Variants in AKT3 observed in about 807,000 individuals in gnomAD.
AKT3 encodes AKT serine/threonine kinase 3, also known as RAC-gamma serine/threonine-protein kinase.
A neutral mutation model predicts 65.3 loss-of-function variants in AKT3; 15 were observed. The ratio of observed to expected loss-of-function variants is 0.23; its 90% CI spans 0.15 to 0.35. The LOEUF is 0.35. Among genes scored for constraint, AKT3 ranks in the 10% least tolerant of loss-of-function variants. The probability of loss-of-function intolerance (pLI) is 1.00; values close to 1 mark genes in which losing one functional copy is unlikely to be tolerated. For synonymous variants in AKT3, 206 were observed against 183.8 expected (o/e 1.12, Z -0.98); for missense variants, 243 against 576.5 (o/e 0.42, Z 5.92).
chr1:243,845,353 C>A (rs75147373), intron 1 of AKT3, among the ~76,000 whole-genome samples: 2 of 24,870 alleles, frequency 8.0e-5, no homozygotes, highest in Non-Finnish European at 1.8e-4. Flanking sequence ...TTTGTAATCC[C>A]AGCACTTTGG....
At chr1:243,637,399 T>A (rs185661126) in intron 6 of AKT3, among the ~76,000 whole-genome samples, 2 of 152,102 alleles carry the variant, frequency 1.3e-5, no homozygotes, top group African/African-American at 4.8e-5. Flanking sequence ...CTTAAGAGAA[T>A]AGCTTTAGTA....
chr1:243,828,228 T>A (rs1232192705), intron 2 of AKT3, among the ~76,000 whole-genome samples: 1 of 152,188 alleles, frequency 6.6e-6, no homozygotes, highest in Non-Finnish European at 1.5e-5. Flanking sequence ...ATTTAATATG[T>A]CCCATGCAGT....
At chr1:243,734,616 G>A (rs1687743785) in intron 2 of AKT3, among the ~76,000 whole-genome samples, 1 of 152,180 alleles carries the variant, frequency 6.6e-6, no homozygotes, top group Non-Finnish European at 1.5e-5. Flanking sequence ...AGGACTAGAA[G>A]TGACTCTGGG....
intron 8 of AKT3, among the ~76,000 whole-genome samples, chr1:243,583,216 A>G (rs932329757): frequency 1.4e-5 from 2 of 145,856 alleles, no homozygotes; most frequent in African/African-American, 2.5e-5. Flanking sequence ...ACACACACAT[A>G]TATCTTCCAT....
rs532079644 is a variant in AKT3 at position 243,836,354 on chromosome 1, AG to A, written c.46+6770del. Among the ~76,000 whole-genome samples the A allele has an allele frequency of 2.2e-4, 33 of 152,212 alleles. 1 individual carries two copies. The South Asian group carries it at 6.6e-3, about 31-fold the overall frequency. ...CATCAAGAAGATATAACAACAAAAA[AG>A]CCTCTAATAATAGAGCTTCAAAATA... On this transcript the variant is annotated intron_variant, in intron 2 of 13. Coordinates refer to ENST00000673466, the MANE Select transcript of AKT3 (RefSeq NM_005465.7).
At chr1:243,514,970 C>T (rs1445975186) in intron 12 of AKT3, among the ~76,000 whole-genome samples, 1 of 152,172 alleles carries the variant, frequency 6.6e-6, no homozygotes, top group African/African-American at 2.4e-5. Context: ...TCCTCCCATC[C>T]CCTGCAGGCC....
At chr1:243,665,652 C>T (rs1682715567) in intron 3 of AKT3, among the ~76,000 whole-genome samples, 1 of 152,088 alleles carries the variant, frequency 6.6e-6, no homozygotes, top group African/African-American at 2.4e-5. Flanking sequence ...CGCTAGTCTT[C>T]AACAGTTAAG....
chr1:243,611,278 C>T (rs1377106121), intron 8 of AKT3, among the ~76,000 whole-genome samples: 2 of 152,164 alleles, frequency 1.3e-5, no homozygotes, highest in Non-Finnish European at 2.9e-5. Flanking sequence ...ATAAGGTTAA[C>T]ATGTTCTTCA....
Position 243,620,436 on chromosome 1 carries a change from A to G in AKT3, c.562-5275T>C, listed in dbSNP as rs557245588. ...CATTTCCCTGATGAGTAGTGATATG[A>G]CACACTTTTACAAATTAAACAATGA... On this transcript the variant is annotated intron_variant, in intron 6 of 13. Transcript: ENST00000673466. Among the ~76,000 whole-genome samples, 162 of 41,014 alleles carry G rather than the reference A, an allele frequency of 3.9e-3. 58 individuals are homozygous for G. Among genetic ancestry groups the G allele is most frequent in the Non-Finnish European group, 0.019 (134 of 7,114 alleles). The allele number at this position is 41,014 out of a possible 152,430, so 26.9% of individuals were successfully genotyped here. A position where few individuals can be genotyped will look rare whatever the true frequency, so the allele number is the denominator to read the frequency against.
At chr1:243,782,709 C>T (rs1690990603) in intron 2 of AKT3, among the ~76,000 whole-genome samples, 2 of 152,106 alleles carry the variant, frequency 1.3e-5, no homozygotes, top group South Asian at 4.1e-4. Context: ...GGAACTGGGA[C>T]GATTAGCGTA....
intron 2 of AKT3, among the ~76,000 whole-genome samples, chr1:243,784,239 A>G (rs1251990854): frequency 2.6e-5 from 4 of 152,144 alleles, no homozygotes; most frequent in Admixed American, 2.6e-4. Context: ...GAGACCAGGC[A>G]AGTGCAGAAA....
intron 8 of AKT3, among the ~76,000 whole-genome samples, chr1:243,583,187 T>C (rs1363242115): frequency 2.7e-5 from 2 of 75,132 alleles, no homozygotes; most frequent in Non-Finnish European, 5.4e-5. Context: ...TATATATATA[T>C]ATATATATAC....
chr1:243,807,388 C>A (rs570638645), intron 2 of AKT3, among the ~76,000 whole-genome samples: 1 of 152,202 alleles, frequency 6.6e-6, no homozygotes, highest in Admixed American at 6.5e-5. Flanking sequence ...GAGATTATAT[C>A]CCATGCCTGG....
At chr1:243,662,712 T>A (rs1450483849) in intron 4 of AKT3, among the ~76,000 whole-genome samples, 1 of 148,212 alleles carries the variant, frequency 6.7e-6, no homozygotes, top group Non-Finnish European at 1.5e-5. Flanking sequence ...ATAATAATAA[T>A]AAATAAAATA....
chr1:243,605,327 C>G (rs1036329289), intron 8 of AKT3, among the ~76,000 whole-genome samples: 3 of 152,036 alleles, frequency 2.0e-5, no homozygotes, highest in African/African-American at 7.2e-5. Flanking sequence ...CAGGCCTGGC[C>G]AGAAAATAGT....
At chr1:243,561,010 T>C (rs1389774291) in intron 10 of AKT3, among the ~76,000 whole-genome samples, 1 of 152,084 alleles carries the variant, frequency 6.6e-6, no homozygotes, top group Admixed American at 6.6e-5. Flanking sequence ...AAATATTTTA[T>C]TTGAATAAAC....
intron 6 of AKT3, among the ~76,000 whole-genome samples, chr1:243,622,729 G>T (rs538893604): frequency 1.3e-5 from 2 of 152,242 alleles, no homozygotes; most frequent in African/African-American, 4.8e-5. Context: ...GTTGATGAAG[G>T]TATAGCAGAT....
chr1:243,544,853 GC>G (rs1303664180), intron 12 of AKT3, among the ~76,000 whole-genome samples: 1 of 151,246 alleles, frequency 6.6e-6, no homozygotes, highest in Non-Finnish European at 1.5e-5. Flanking sequence ...GCGCCACCAC[GC>G]CCAGTTGATT....
intron 2 of AKT3, among the ~76,000 whole-genome samples, chr1:243,832,120 T>TAAAAAAAAAAAAAA (rs869235352): frequency 4.5e-5 from 2 of 44,756 alleles, no homozygotes; most frequent in African/African-American, 8.0e-5. Flanking sequence ...TCCCTAAAAC[T>TAAAAAAAAAAAAAA]AAAAAAAAAA....
Sources: allele counts gnomAD v4.1 joint callset (sites outside exome capture counted in the v4.1 genomes callset), GRCh38; gene constraint gnomAD v4.1.1; transcripts MANE v1.5; gene names NCBI Gene and HGNC (gene_info 2026-07-23, HGNC 2026-07-21).